ALPK3: variants seen among roughly 807,000 people sequenced by gnomAD.
The protein encoded by ALPK3 is alpha kinase 3, also known as alpha-protein kinase 3.
Under a neutral mutation model 140.0 loss-of-function variants are expected in ALPK3, and 102 were observed. That is an observed-to-expected ratio of 0.73 (90% CI 0.62 to 0.86). The LOEUF (loss-of-function observed/expected upper bound fraction) is 0.86. Among genes scored for constraint, ALPK3 ranks in the 40% least tolerant of loss-of-function variants. The pLI is 0.00. For missense variants in ALPK3, 2,254 were observed against 2,208.2 expected (o/e 1.02, Z -0.42); for synonymous variants, 938 against 898.5 (o/e 1.04, Z -0.79).
chr15:84,820,838 G>C lies in ALPK3; in HGVS notation c.144-2492G>C, dbSNP rs12324534. Among the ~76,000 whole-genome samples, 796 of 152,138 alleles carry C rather than the reference G, an allele frequency of 5.2e-3. 7 individuals carry two copies. Among genetic ancestry groups the C allele is most frequent in the African/African-American group, 0.014 (596 of 41,508 alleles). On this transcript the variant is annotated intron_variant, in intron 1 of 13. Transcript: ENST00000258888. Reference sequence around the variant, plus strand: ...GGGGTCTTGCTATATCACCGAGGTTGATCTTGAACTCCTGGGCTCCAGCGA... The same window carrying C: ...GGGGTCTTGCTATATCACCGAGGTTCATCTTGAACTCCTGGGCTCCAGCGA...
chr15:84,868,593 A>C lies in ALPK3; in HGVS notation c.*137A>C, dbSNP rs531385656. 1.2e-6 allele frequency: 1 copy of C among 848,546 alleles called. No individual in the cohort carries two copies. Among genetic ancestry groups the C allele is most frequent in the South Asian group, 1.8e-5 (1 of 54,678 alleles). The allele number at this position is 848,546 out of a possible 1,614,324, so 52.6% of individuals were successfully genotyped here. A position where few individuals can be genotyped will look rare whatever the true frequency, so the allele number is the denominator to read the frequency against. ...ACACCACTTGGGGACCTCTCTGAGC[A>C]GGCTCTCGTGAATCAGCTCGTCATC... On this transcript the variant is annotated 3_prime_UTR_variant, in exon 14 of 14. Coordinates refer to ENST00000258888, the MANE Select transcript of ALPK3 (RefSeq NM_020778.5).
Position 84,869,568 on chromosome 15 carries a change from C to T in ALPK3, c.*1112C>T, listed in dbSNP as rs1184070593. 1 of 152,278 alleles carries T rather than the reference C, an allele frequency of 6.6e-6. No individual in the cohort carries two copies. The highest frequency in any genetic ancestry group is 1.5e-5 in the Non-Finnish European group (1 of 68,116). 9.4% of individuals were successfully genotyped at this position (152,278 alleles called of 1,614,324 possible). ...GAGTCTCTGTGCCTGGGAATTAGGACCCCTGCTCCAACCATCGCTCTTGAT... is the reference window on the plus strand; with the variant it reads ...GAGTCTCTGTGCCTGGGAATTAGGATCCCTGCTCCAACCATCGCTCTTGAT... On this transcript the variant is annotated 3_prime_UTR_variant, in exon 14 of 14. Transcript: ENST00000258888.
At chr15:84,855,788 G>A (rs1012290384) in intron 5 of ALPK3, among the ~76,000 whole-genome samples, 8 of 152,218 alleles carry the variant, frequency 5.3e-5, no homozygotes, top group African/African-American at 1.9e-4. Context: ...ATAGTGCTTT[G>A]CAAGTAGATG....
intron 3 of ALPK3, among the ~76,000 whole-genome samples, chr15:84,831,960 T>C (rs778815110): frequency 2.0e-5 from 3 of 152,244 alleles, no homozygotes; most frequent in Admixed American, 6.5e-5. Flanking sequence ...TATTTTATGA[T>C]ATATGGTTAT....
At chr15:84,856,026 C>T (rs1046438510) in intron 5 of ALPK3, among the ~76,000 whole-genome samples, 3 of 152,088 alleles carry the variant, frequency 2.0e-5, no homozygotes, top group African/African-American at 7.2e-5. Flanking sequence ...GCTCTGGGAG[C>T]CCTGGGGAGA....
In ALPK3 at chr15:84,867,364, G is replaced by A. The variant is rs1291198969; in HGVS notation, c.4771G>A (p.Gly1591Arg). Residue 1591 changes from glycine (G) to arginine (R), a missense_variant and splice_region_variant, in exon 13 of 14, where the codon GGA becomes AGA. Coordinates refer to ENST00000258888, the MANE Select transcript of ALPK3 (RefSeq NM_020778.5). ...TGTGCAGATTGCTACCAAACTCCGA[G>A]GGTGAGTGGTTCTTGGGGACAGAAT... ...TDVQIATKLR[G>R]YQGLKESCFP... The A allele has an allele frequency of 6.2e-7, 1 of 1,613,992 alleles. No homozygotes were observed. Among genetic ancestry groups the A allele is most frequent in the Admixed American group, 1.7e-5 (1 of 60,028 alleles).
chr15:84,856,506 A>G lies in ALPK3; in HGVS notation c.1768A>G (p.Met590Val). 6.2e-7 allele frequency: 1 copy of G among 1,614,198 alleles called. No individual in the cohort carries two copies. The highest frequency in any genetic ancestry group is 8.5e-7 in the Non-Finnish European group (1 of 1,180,036). The change falls in exon 6 of 14, where the codon ATG (methionine) becomes GTG (valine). Residue 590 changes from methionine (M) to valine (V), a missense_variant. Around this residue, in one of 3 missense-constraint regions of ALPK3, gnomAD observed 2,088 missense variants for 2,022.9 expected, o/e 1.03. Transcript: ENST00000258888. ...TCAAGGTATCATTGAACCCATGGAT[A>G]TGGAAACCCAGGAGGATGGGAGAAC... ...GSQGIIEPMD[M>V]ETQEDGRTSA...
chr15:84,870,582 C>G lies in ALPK3; in HGVS notation c.*2126C>G, dbSNP rs2141577777. ...ATAGCTCACAAAACCAAAAGAATAG[C>G]TGAACAATTAATTGGCCCTGGGAAG... On this transcript the variant is annotated 3_prime_UTR_variant, in exon 14 of 14. Coordinates refer to ENST00000258888, the MANE Select transcript of ALPK3 (RefSeq NM_020778.5). 1 of 152,330 alleles carries G rather than the reference C, an allele frequency of 6.6e-6. No individual in the cohort carries two copies. Among genetic ancestry groups the G allele is most frequent in the Non-Finnish European group, 1.5e-5 (1 of 68,032 alleles). 9.4% of individuals were successfully genotyped at this position (152,330 alleles called of 1,614,324 possible).
At chr15:84,865,032 C>G (rs1392726193) in intron 12 of ALPK3, among the ~76,000 whole-genome samples, 1 of 152,202 alleles carries the variant, frequency 6.6e-6, no homozygotes, top group Non-Finnish European at 1.5e-5. Flanking sequence ...GACTTTCTCA[C>G]TCTCCAAGCT....
At chr15:84,820,086 G>A (rs1963405461) in intron 1 of ALPK3, among the ~76,000 whole-genome samples, 1 of 152,206 alleles carries the variant, frequency 6.6e-6, no homozygotes, top group Admixed American at 6.5e-5. Flanking sequence ...ACAGTGAGAT[G>A]TGGGTAGGCT....
chr15:84,842,884 A>C (rs1387623401), intron 5 of ALPK3, among the ~76,000 whole-genome samples: 1 of 152,162 alleles, frequency 6.6e-6, no homozygotes, highest in Non-Finnish European at 1.5e-5. Context: ...GCTGCTGCAC[A>C]TGCCTGACAG....
intron 9 of ALPK3, among the ~76,000 whole-genome samples, chr15:84,862,200 C>T (rs956754924): frequency 6.6e-6 from 1 of 152,146 alleles, no homozygotes; most frequent in African/African-American, 2.4e-5. Flanking sequence ...GTCCTGCAAA[C>T]TTTTTGTTTC....
At chr15:84,846,951 A>C (rs887168136) in intron 5 of ALPK3, among the ~76,000 whole-genome samples, 5 of 152,034 alleles carry the variant, frequency 3.3e-5, no homozygotes, top group African/African-American at 1.2e-4. Context: ...TATTTTTAGT[A>C]CAGGGGTTTC....
intron 9 of ALPK3, 129 bp from the exon 10 acceptor site, chr15:84,862,506 G>T: frequency 8.9e-7 from 1 of 1,123,116 alleles, no homozygotes; most frequent in Non-Finnish European, 1.3e-6. Context: ...CAAAGAGCAG[G>T]CGTGGACGGA....
chr15:84,820,014 T>C (rs1054562635), intron 1 of ALPK3, among the ~76,000 whole-genome samples: 1 of 152,150 alleles, frequency 6.6e-6, no homozygotes, highest in East Asian at 1.9e-4. Context: ...ATGCAGATAG[T>C]CCCACCAAAC....
At chr15:84,822,146 A>T (rs531953060) in intron 1 of ALPK3, among the ~76,000 whole-genome samples, 1 of 152,122 alleles carries the variant, frequency 6.6e-6, no homozygotes. Context: ...GTGGTCATCA[A>T]ATGTGGAGCC....
chr15:84,825,410 C>T (rs936931672), intron 2 of ALPK3, among the ~76,000 whole-genome samples: 2 of 152,044 alleles, frequency 1.3e-5, no homozygotes, highest in African/African-American at 2.4e-5. Flanking sequence ...CTCTTGACCT[C>T]GTGATCCGCC....
chr15:84,843,566 C>T (rs1444942975), intron 5 of ALPK3, among the ~76,000 whole-genome samples: 5 of 152,116 alleles, frequency 3.3e-5, no homozygotes, highest in African/African-American at 4.8e-5. Context: ...ATTAGTCTCA[C>T]GGTATTGAGT....
intron 5 of ALPK3, among the ~76,000 whole-genome samples, chr15:84,851,019 T>C (rs763034863): frequency 1.8e-4 from 27 of 151,208 alleles, no homozygotes; most frequent in Admixed American, 5.9e-4. Context: ...CCCAGGCCTG[T>C]ACTGGGCCCT....
Sources: gnomAD v4.1 joint callset for allele counts (sites outside exome capture counted in the v4.1 genomes callset) on GRCh38, gnomAD v4.1.1 for gene constraint, gnomAD v4.1.1 regional missense constraint, MANE v1.5 for transcripts, NCBI Gene and HGNC (gene_info 2026-07-23, HGNC 2026-07-21) for gene names.